ST6GALNAC5: variants seen among roughly 807,000 people sequenced by gnomAD.
The protein encoded by ST6GALNAC5 is alpha-N-acetylgalactosaminide alpha-2,6-sialyltransferase 5.
In ST6GALNAC5, 27 loss-of-function variants were observed where a neutral mutation model predicts 33.6. The ratio of observed to expected loss-of-function variants is 0.80; its 90% CI spans 0.59 to 1.11. The LOEUF is 1.11. Among genes scored for constraint, ST6GALNAC5 ranks in the 50% least tolerant of loss-of-function variants. The pLI is 0.00. For missense variants in ST6GALNAC5, 428 were observed against 454.0 expected (o/e 0.94, Z 0.52); for synonymous variants, 194 against 171.2 (o/e 1.13, Z -1.04).
intron 2 of ST6GALNAC5, among the ~76,000 whole-genome samples, chr1:77,007,834 T>C (rs1386357640): frequency 1.3e-5 from 2 of 152,250 alleles, no homozygotes; most frequent in Non-Finnish European, 1.5e-5. Context: ...ATGGATTCGC[T>C]TCTCACTTCC....
intron 2 of ST6GALNAC5, among the ~76,000 whole-genome samples, chr1:76,975,057 G>C (rs1381919474): frequency 1.3e-5 from 2 of 151,812 alleles, no homozygotes; most frequent in African/African-American, 4.8e-5. Flanking sequence ...AAACTGCTGG[G>C]ATTACAAGCG....
chr1:77,049,300 G>A (rs1433692963), intron 3 of ST6GALNAC5, among the ~76,000 whole-genome samples: 1 of 152,132 alleles, frequency 6.6e-6, no homozygotes, highest in African/African-American at 2.4e-5. Context: ...TGCTATGGCT[G>A]GGCAAAGTCA....
intron 2 of ST6GALNAC5, among the ~76,000 whole-genome samples, chr1:77,035,235 A>G (rs1557769176): frequency 6.6e-6 from 1 of 152,176 alleles, no homozygotes; most frequent in Non-Finnish European, 1.5e-5. Flanking sequence ...TTTCTGCAAC[A>G]ATATTATTCC....
At chr1:76,980,122 T>C (rs534167148) in intron 2 of ST6GALNAC5, among the ~76,000 whole-genome samples, 9 of 152,102 alleles carry the variant, frequency 5.9e-5, no homozygotes, top group Non-Finnish European at 1.3e-4. Flanking sequence ...AAAATTAACA[T>C]GAAATTAATG....
At chr1:76,988,633 C>G (rs1649603794) in intron 2 of ST6GALNAC5, among the ~76,000 whole-genome samples, 1 of 152,066 alleles carries the variant, frequency 6.6e-6, no homozygotes, top group Non-Finnish European at 1.5e-5. Context: ...GATTTGCCAA[C>G]TTTAAATGAA....
intron 2 of ST6GALNAC5, among the ~76,000 whole-genome samples, chr1:76,899,039 C>T (rs1212339394): frequency 1.3e-5 from 2 of 152,000 alleles, no homozygotes; most frequent in Non-Finnish European, 2.9e-5. Context: ...CACCTCAGAC[C>T]GTTTGCCTAT....
At chr1:76,895,854 A>G (rs184813332) in intron 2 of ST6GALNAC5, among the ~76,000 whole-genome samples, 2,131 of 152,320 alleles carry the variant, frequency 0.014, 55 homozygotes, top group African/African-American at 0.048. Context: ...CCTAATAAAA[A>G]GGACCGTCTG....
At position 76,868,361 on chromosome 1, in the gene ST6GALNAC5, G is replaced by C. The variant is rs1653400165; in HGVS notation, c.16-136G>C. The C allele has an allele frequency of 1.5e-6, 2 of 1,323,842 alleles. No homozygotes were observed. The highest frequency in any genetic ancestry group is 3.1e-5 in the South Asian group (2 of 63,958). 82.0% of individuals were successfully genotyped at this position (1,323,842 alleles called of 1,614,324 possible). On this transcript the variant is annotated intron_variant, in intron 1 of 4. Coordinates refer to ENST00000477717, the MANE Select transcript of ST6GALNAC5 (RefSeq NM_030965.3). This position sits in a 1 kb window ranked among gnomAD's most constrained non-coding sequence, Gnocchi z 4.3. ...ACGGTGCTTTCTCTGTCCCAGTTGC[G>C]TGCGGCGGGGCTGGGGCCCAGGCCG...
rs886608097 is a variant in ST6GALNAC5 at position 76,876,565 on chromosome 1, A to C, written c.261+7823A>C. 2.0e-5 allele frequency among the ~76,000 whole-genome samples: 3 copies of C among 152,084 alleles called. No individual in the cohort carries two copies. In the South Asian group the frequency reaches 6.2e-4, roughly 32 times the overall value. ...TCTTCCTTAAATTTCTTTGTCACCAATTTTCCAGTCGTGCTTCTTCCAAGT... is the reference window on the plus strand; with the variant it reads ...TCTTCCTTAAATTTCTTTGTCACCACTTTTCCAGTCGTGCTTCTTCCAAGT... On this transcript the variant is annotated intron_variant, in intron 2 of 4. Coordinates refer to ENST00000477717, the MANE Select transcript of ST6GALNAC5 (RefSeq NM_030965.3).
At chr1:77,034,163 TG>T (rs1047201763) in intron 2 of ST6GALNAC5, among the ~76,000 whole-genome samples, 35 of 152,102 alleles carry the variant, frequency 2.3e-4, no homozygotes, top group Non-Finnish European at 2.4e-4. Context: ...ATCAAGGTGT[TG>T]GCACAGCGCT....
chr1:76,917,098 A>G (rs1436282578), intron 2 of ST6GALNAC5, among the ~76,000 whole-genome samples: 1 of 152,168 alleles, frequency 6.6e-6, no homozygotes, highest in East Asian at 1.9e-4. Flanking sequence ...TCCTTCAACT[A>G]TACAAATTTT....
intron 4 of ST6GALNAC5, 116 bp downstream of exon 4, chr1:77,050,481 A>C (rs746716466): frequency 1.1e-6 from 1 of 876,242 alleles, no homozygotes; most frequent in Non-Finnish European, 1.8e-6. Flanking sequence ...GCAATTAATT[A>C]GCATGTCCCA....
At chr1:76,929,671 T>C (rs1006981675) in intron 2 of ST6GALNAC5, among the ~76,000 whole-genome samples, 2 of 152,184 alleles carry the variant, frequency 1.3e-5, no homozygotes, top group African/African-American at 4.8e-5. Context: ...TGCAGTGTGC[T>C]AGGTCTGAAT....
chr1:77,036,545 C>G (rs1344637732), intron 2 of ST6GALNAC5, among the ~76,000 whole-genome samples: 1 of 152,206 alleles, frequency 6.6e-6, no homozygotes, highest in Non-Finnish European at 1.5e-5. Context: ...ATGACATATG[C>G]AGATTCCAAA....
At chr1:76,915,519 AATG>A (rs1646962299) in intron 2 of ST6GALNAC5, among the ~76,000 whole-genome samples, 1 of 152,216 alleles carries the variant, frequency 6.6e-6, no homozygotes, top group South Asian at 2.1e-4. Context: ...AGCCATAAAA[AATG>A]ATGAGTTCCT....
chr1:76,973,027 G>T (rs552993323), intron 2 of ST6GALNAC5, among the ~76,000 whole-genome samples: 2 of 152,098 alleles, frequency 1.3e-5, no homozygotes, highest in East Asian at 1.9e-4. Flanking sequence ...TCTAGCAAGG[G>T]TATTAGTCAA....
intron 2 of ST6GALNAC5, among the ~76,000 whole-genome samples, chr1:77,016,000 C>G (rs1165875933): frequency 6.6e-6 from 1 of 151,800 alleles, no homozygotes; most frequent in East Asian, 1.9e-4. Context: ...TCAGTTTCAG[C>G]TCTAGCCAAA....
At chr1:76,901,536 A>G (rs536851318) in intron 2 of ST6GALNAC5, among the ~76,000 whole-genome samples, 5 of 152,332 alleles carry the variant, frequency 3.3e-5, no homozygotes, top group African/African-American at 1.2e-4. Context: ...TCTGAGAAAC[A>G]TGAGGATAAA....
At chr1:77,052,596 C>T (rs1367623948) in intron 4 of ST6GALNAC5, among the ~76,000 whole-genome samples, 1 of 151,512 alleles carries the variant, frequency 6.6e-6, no homozygotes, top group Non-Finnish European at 1.5e-5. Context: ...TTAATATTAT[C>T]CCAAGCACTT....
Sources: gnomAD v4.1 joint callset for allele counts (sites outside exome capture counted in the v4.1 genomes callset) on GRCh38, gnomAD v4.1.1 for gene constraint, Gnocchi (gnomAD v3.1) non-coding constraint, MANE v1.5 for transcripts, NCBI Gene and HGNC (gene_info 2026-07-23, HGNC 2026-07-21) for gene names.